The following PDE1A variants were observed in gnomAD, a reference collection of about 807,000 sequenced individuals.
The protein encoded by PDE1A is dual specificity calcium/calmodulin-dependent 3',5'-cyclic nucleotide phosphodiesterase 1A.
A neutral mutation model predicts 61.7 loss-of-function variants in PDE1A; 35 were observed. The observed-to-expected ratio is 0.57, with a 90% confidence interval of 0.43 to 0.75. PDE1A has a LOEUF of 0.75. Ranked by LOEUF, PDE1A falls within the 30% of genes least tolerant of loss-of-function variation. The probability of loss-of-function intolerance (pLI) is 0.00; values close to 1 mark genes in which losing one functional copy is unlikely to be tolerated. For synonymous variants in PDE1A, 232 were observed against 213.2 expected, an observed-to-expected ratio of 1.09 and a Z score of -0.77; for missense variants, 597 against 630.6, an observed-to-expected ratio of 0.95 and a Z score of 0.57.
At chr2:182,306,894 G>T (rs974042723) in intron 1 of PDE1A, among the ~76,000 whole-genome samples, 1 of 152,096 alleles carries the variant, frequency 6.6e-6, no homozygotes, top group African/African-American at 2.4e-5. Context: ...TCTGGGTATT[G>T]ATTTTTTAGA....
chr2:182,419,546 A>T (rs937671597), intron 1 of PDE1A, among the ~76,000 whole-genome samples: 1 of 151,946 alleles, frequency 6.6e-6, no homozygotes, highest in East Asian at 1.9e-4. Flanking sequence ...ACAAGAACCA[A>T]GTACTCATCC....
chr2:182,572,366 G>A, the PDE1A span, among the ~76,000 whole-genome samples: 1 of 152,068 alleles, frequency 6.6e-6, no homozygotes, highest in Admixed American at 6.6e-5. Context: ...AGGTACAGGA[G>A]GAAGGAAAGA....
At chr2:182,316,204 AG>A (rs1696332446) in intron 1 of PDE1A, among the ~76,000 whole-genome samples, 1 of 152,214 alleles carries the variant, frequency 6.6e-6, no homozygotes, top group African/African-American at 2.4e-5. Flanking sequence ...GTAGGGTAAC[AG>A]GGGACTTTAA....
At chr2:182,499,745 C>A (rs901197378) in intron 2 of PDE1A, among the ~76,000 whole-genome samples, 10 of 152,182 alleles carry the variant, frequency 6.6e-5, no homozygotes, top group African/African-American at 2.4e-4. Flanking sequence ...ATAAATATAT[C>A]TTCACATATG....
At chr2:182,162,672 A>C (rs1691444905) in intron 13 of PDE1A, among the ~76,000 whole-genome samples, 1 of 152,146 alleles carries the variant, frequency 6.6e-6, no homozygotes, top group Non-Finnish European at 1.5e-5. Context: ...AAAGGAAAAT[A>C]ATCAGGCTTT....
chr2:182,247,833 G>T (rs752885459), intron 2 of PDE1A, among the ~76,000 whole-genome samples: 2 of 152,132 alleles, frequency 1.3e-5, no homozygotes, highest in African/African-American at 4.8e-5. Context: ...AGAAATTTGT[G>T]CAAGGAGGAT....
intron 1 of PDE1A, among the ~76,000 whole-genome samples, chr2:182,374,922 C>T (rs1056173478): frequency 2.6e-5 from 4 of 152,142 alleles, no homozygotes; most frequent in Admixed American, 6.6e-5. Context: ...AAAGTTTCGT[C>T]TTACATGGAT....
At chr2:182,497,781 G>T (rs1381999175) in intron 2 of PDE1A, among the ~76,000 whole-genome samples, 1 of 151,720 alleles carries the variant, frequency 6.6e-6, no homozygotes, top group Non-Finnish European at 1.5e-5. Context: ...GGTGGCTCAC[G>T]CCTGTAATCC....
the PDE1A span, among the ~76,000 whole-genome samples, chr2:182,613,810 C>T: frequency 6.6e-6 from 1 of 152,112 alleles, no homozygotes; most frequent in Non-Finnish European, 1.5e-5. Flanking sequence ...CCAAGGATTG[C>T]CATGGGGTAT....
chr2:182,311,188 C>T (rs1695944944), intron 1 of PDE1A, among the ~76,000 whole-genome samples: 1 of 152,212 alleles, frequency 6.6e-6, no homozygotes, highest in African/African-American at 2.4e-5. Context: ...CATATTATAA[C>T]TTCACTCTTC....
intron 10 of PDE1A, among the ~76,000 whole-genome samples, chr2:182,192,001 G>A (rs911306885): frequency 4.0e-5 from 6 of 151,802 alleles, no homozygotes; most frequent in African/African-American, 7.3e-5. Flanking sequence ...GATTTCAGGC[G>A]CCTGCCACCA....
At chr2:182,498,222 G>GTGAA (rs1163070906) in intron 2 of PDE1A, among the ~76,000 whole-genome samples, 1 of 152,068 alleles carries the variant, frequency 6.6e-6, no homozygotes, top group African/African-American at 2.4e-5. Flanking sequence ...ATACACTGAA[G>GTGAA]TGAACACAAA....
intron 1 of PDE1A, among the ~76,000 whole-genome samples, chr2:182,372,968 C>G (rs1247168518): frequency 6.6e-6 from 1 of 152,230 alleles, no homozygotes; most frequent in Non-Finnish European, 1.5e-5. Context: ...CCACTCATGA[C>G]TTAGGAAAAG....
the PDE1A span, among the ~76,000 whole-genome samples, chr2:182,679,497 G>T: frequency 6.6e-6 from 1 of 151,318 alleles, no homozygotes; most frequent in Non-Finnish European, 1.5e-5. Context: ...CACCGCACCG[G>T]GCTCTAATTA....
chr2:182,289,939 A>G (rs933284627), intron 1 of PDE1A, among the ~76,000 whole-genome samples: 2 of 152,148 alleles, frequency 1.3e-5, no homozygotes, highest in African/African-American at 4.8e-5. Flanking sequence ...CATATTCTGT[A>G]TTGACATAAA....
At chr2:182,244,786 C>A (rs1289220761) in intron 2 of PDE1A, among the ~76,000 whole-genome samples, 1 of 152,006 alleles carries the variant, frequency 6.6e-6, no homozygotes, top group Non-Finnish European at 1.5e-5. Flanking sequence ...AACTTCTTTC[C>A]AAATCAGAAG....
At chr2:182,427,650 AT>A (rs551177436), upstream of PDE1A, among the ~76,000 whole-genome samples, 1,177 of 152,326 alleles carry the variant, frequency 7.7e-3, 8 homozygotes, top group South Asian at 0.02. Flanking sequence ...ACAGCTGAAA[AT>A]AAATGATATT....
the PDE1A span, among the ~76,000 whole-genome samples, chr2:182,560,476 G>A: frequency 4.0e-5 from 6 of 151,174 alleles, no homozygotes; most frequent in African/African-American, 1.5e-4. Context: ...TTGGACATTT[G>A]GGTTGGTTCC....
At chr2:182,443,514 T>C (rs1213516938) in intron 2 of PDE1A, among the ~76,000 whole-genome samples, 1 of 151,798 alleles carries the variant, frequency 6.6e-6, no homozygotes, top group Non-Finnish European at 1.5e-5. Flanking sequence ...TTCTCATATA[T>C]GATGGTTTGA....
Sources: gnomAD v4.1 joint callset for allele counts (sites outside exome capture counted in the v4.1 genomes callset) on GRCh38, gnomAD v4.1.1 for gene constraint, MANE v1.5 for transcripts, NCBI Gene and HGNC (gene_info 2026-07-23, HGNC 2026-07-21) for gene names.